SCN11A: variants seen among roughly 807,000 people sequenced by gnomAD.
SCN11A encodes the protein sodium voltage-gated channel alpha subunit 11.
Under a neutral mutation model 162.2 loss-of-function variants are expected in SCN11A, and 122 were observed. That is an observed-to-expected ratio of 0.75 (90% CI 0.65 to 0.87). The LOEUF is 0.87. Among genes scored for constraint, SCN11A ranks in the 40% least tolerant of loss-of-function variants. The pLI is 0.00. For missense variants in SCN11A, 2,015 were observed against 2,181.6 expected, an observed-to-expected ratio of 0.92 and a Z score of 1.52; for synonymous variants, 758 against 751.5, an observed-to-expected ratio of 1.01 and a Z score of -0.14.
At chr3:38,908,921 G>A in intron 13 of SCN11A, 76 bp downstream of exon 13, 1 of 1,307,626 alleles carries the variant, frequency 7.6e-7, no homozygotes. Flanking sequence ...GCAGCCTTGA[G>A]TCTCAGGTCA....
chr3:38,990,808 T>C (rs2030428929), intron 2 of SCN11A, among the ~76,000 whole-genome samples: 1 of 152,002 alleles, frequency 6.6e-6, no homozygotes, highest in Non-Finnish European at 1.5e-5. Flanking sequence ...TAGCAATTGG[T>C]AGAGGCAGGA....
chr3:39,028,240 A>C (rs2031639164), intron 2 of SCN11A, among the ~76,000 whole-genome samples: 1 of 152,222 alleles, frequency 6.6e-6, no homozygotes, highest in Non-Finnish European at 1.5e-5. Context: ...CTCTCACTGA[A>C]GATCTACCTC....
rs534790489 is a variant in SCN11A, at chr3:38,951,229, C to T, written c.-7-860G>A. On this transcript the variant is annotated intron_variant, in intron 4 of 29. Transcript: ENST00000302328. The stretch of plus-strand genomic sequence containing the variant: ...GAGTTCCGGGTGGGCGTGGGCTTGG[C>T]GGGCGCCGCACTCGGAGCAGCCGGC... Among the ~76,000 whole-genome samples, 182 of 152,278 alleles carry T rather than the reference C, an allele frequency of 1.2e-3. 1 individual carries two copies. Among genetic ancestry groups the T allele is most frequent in the Admixed American group, 2.2e-3 (33 of 15,306 alleles).
At chr3:38,966,929 A>G (rs1378296600) in intron 2 of SCN11A, among the ~76,000 whole-genome samples, 2 of 152,228 alleles carry the variant, frequency 1.3e-5, no homozygotes, top group South Asian at 4.1e-4. Flanking sequence ...CAAGCACTCC[A>G]GTGTGGGAGT....
chr3:38,978,447 A>G (rs529797749), intron 2 of SCN11A, among the ~76,000 whole-genome samples: 1 of 152,294 alleles, frequency 6.6e-6, no homozygotes, highest in African/African-American at 2.4e-5. Flanking sequence ...GGAGTTCAAG[A>G]CCAGTCTGGC....
chr3:38,920,448 T>A (rs1223881146), intron 10 of SCN11A, among the ~76,000 whole-genome samples: 1 of 152,062 alleles, frequency 6.6e-6, no homozygotes, highest in Non-Finnish European at 1.5e-5. Context: ...ATCCCAGCAC[T>A]TTGGGAGGCT....
chr3:38,894,609 G>C lies in SCN11A; in HGVS notation c.2759C>G (p.Ala920Gly), dbSNP rs759694252. 2.4e-5 allele frequency: 38 copies of C among 1,613,902 alleles called. No individual in the cohort carries two copies. Among genetic ancestry groups the C allele is most frequent in the Non-Finnish European group, 3.2e-5 (38 of 1,179,974 alleles). Residue 920 changes from alanine (A) to glycine (G), a missense_variant, in exon 19 of 30, where the codon GCG becomes GGG. Coordinates refer to ENST00000302328, the MANE Select transcript of SCN11A (RefSeq NM_001349253.2). ...AAATTCAACGTCATCTTCCTCCTCC[G>C]CAAGTGGTGCCAACCAAGTCCAATC... Reference protein sequence around the residue: ...RHDWTWLAPLAEEEDDVEFSG... With the variant: ...RHDWTWLAPLGEEEDDVEFSG...
intron 1 of SCN11A, among the ~76,000 whole-genome samples, chr3:39,051,392 CCTTT>C (rs886895889): frequency 4.7e-4 from 71 of 152,202 alleles, no homozygotes; most frequent in African/African-American, 1.7e-3. Flanking sequence ...GTTTTCTGTT[CCTTT>C]GTTAGTTTGC....
At chr3:38,947,742 C>A (rs1187733355) in intron 5 of SCN11A, among the ~76,000 whole-genome samples, 5 of 152,250 alleles carry the variant, frequency 3.3e-5, no homozygotes, top group African/African-American at 1.2e-4. Context: ...CTGTCACTAA[C>A]ATGCTTCTAA....
intron 10 of SCN11A, among the ~76,000 whole-genome samples, chr3:38,920,684 C>CA (rs36096755): frequency 0.13 from 7,249 of 55,570 alleles, 574 homozygotes; most frequent in African/African-American, 0.25. Flanking sequence ...GACTCCATCT[C>CA]AAAAAAAAAA....
intron 1 of SCN11A, among the ~76,000 whole-genome samples, chr3:39,041,589 A>G (rs887646171): frequency 2.6e-5 from 4 of 152,218 alleles, no homozygotes; most frequent in Non-Finnish European, 5.9e-5. Flanking sequence ...CCAAGCAAGA[A>G]TATCAAACCC....
intron 2 of SCN11A, among the ~76,000 whole-genome samples, chr3:39,021,438 T>G (rs1311014151): frequency 6.6e-6 from 1 of 152,164 alleles, no homozygotes; most frequent in South Asian, 2.1e-4. Context: ...AAAAAGGGAT[T>G]TCTTTTATAG....
chr3:38,858,112 T>A (rs1264560923), intron 28 of SCN11A, among the ~76,000 whole-genome samples: 1 of 151,986 alleles, frequency 6.6e-6, no homozygotes, highest in African/African-American at 2.4e-5. Context: ...AACATAATTT[T>A]AAAAAACCCA....
intron 2 of SCN11A, among the ~76,000 whole-genome samples, chr3:38,996,844 C>T (rs2030646046): frequency 2.6e-5 from 4 of 152,110 alleles, no homozygotes; most frequent in South Asian, 2.1e-4. Context: ...GAGGCTGAGA[C>T]GGGAGGATCA....
Position 38,885,480 on chromosome 3 carries a change from G to A in SCN11A, c.2950-78C>T, listed in dbSNP as rs2065382859. 1.1e-5 allele frequency: 9 copies of A among 806,486 alleles called. No individual in the cohort carries two copies. In the South Asian group the frequency reaches 1.3e-4, roughly 11 times the overall value. The allele number at this position is 806,486 out of a possible 1,614,324, so 50.0% of individuals were successfully genotyped here. On this transcript the variant is annotated intron_variant, in intron 20 of 29. Transcript: ENST00000302328. ...CCATAGTAGTACGGAGTTTCTCATT[G>A]TCTGATTTTTTAAGGATGAAATGAA...
At chr3:38,921,033 AC>A (rs1168054014) in intron 10 of SCN11A, 42 bp downstream of exon 10, 1 of 1,574,550 alleles carries the variant, frequency 6.4e-7, no homozygotes, top group East Asian at 2.2e-5. Flanking sequence ...GGAAAAGTTA[AC>A]CATGCAAAAA....
rs530302922 is a variant in SCN11A at position 38,909,619 on chromosome 3, A to G, written c.1102-425T>C. On this transcript the variant is annotated intron_variant, in intron 12 of 29. Transcript: ENST00000302328. ...TTTTTTTGAGACGGAGTTTCACTCTATCACCCAGGCTGGAGTGCAGTGGTG... is the reference window on the plus strand; with the variant it reads ...TTTTTTTGAGACGGAGTTTCACTCTGTCACCCAGGCTGGAGTGCAGTGGTG... Among the ~76,000 whole-genome samples the G allele has an allele frequency of 1.9e-3, 272 of 139,864 alleles. 1 individual carries two copies. The highest frequency in any genetic ancestry group is 8.1e-3 in the Middle Eastern group (2 of 248). 91.8% of individuals were successfully genotyped at this position (139,864 alleles called of 152,430 possible).
At chr3:38,944,308 A>G (rs75469942) in intron 7 of SCN11A, among the ~76,000 whole-genome samples, 2,404 of 152,144 alleles carry the variant, frequency 0.016, 66 homozygotes, top group African/African-American at 0.056. Flanking sequence ...AAGCATTAAA[A>G]TGTACCTTTT....
intron 27 of SCN11A, 138 bp from the exon 28 acceptor site, chr3:38,863,437 T>A: frequency 1.7e-6 from 1 of 574,706 alleles, no homozygotes; most frequent in Non-Finnish European, 3.1e-6. Flanking sequence ...CTTAAGAGAC[T>A]GGACCATAGC....
Sources: gnomAD v4.1 joint callset for allele counts (sites outside exome capture counted in the v4.1 genomes callset) on GRCh38, gnomAD v4.1.1 for gene constraint, MANE v1.5 for transcripts, NCBI Gene and HGNC (gene_info 2026-07-23, HGNC 2026-07-21) for gene names.